PLEKHA8: variants seen among roughly 807,000 people sequenced by gnomAD.
PLEKHA8 encodes pleckstrin homology domain containing A8, also known as pleckstrin homology domain-containing family A member 8.
Under a neutral mutation model 68.2 loss-of-function variants are expected in PLEKHA8, and 36 were observed. The observed-to-expected ratio is 0.53, with a 90% confidence interval of 0.40 to 0.70. PLEKHA8 has a LOEUF of 0.70. PLEKHA8 is among the 30% of genes least tolerant of loss of function. The pLI is 0.00. For synonymous variants in PLEKHA8, 211 were observed against 216.1 expected (o/e 0.98, Z 0.20); for missense variants, 505 against 615.4 (o/e 0.82, Z 1.90).
chr7:30,098,091 C>T (rs1212588730), intron 13 of PLEKHA8, among the ~76,000 whole-genome samples: 1 of 152,236 alleles, frequency 6.6e-6, no homozygotes, highest in Non-Finnish European at 1.5e-5. Flanking sequence ...TGGAGGTCCA[C>T]TCCAGACCCT....
chr7:30,118,529 T>C (rs2128023710), intron 13 of PLEKHA8, among the ~76,000 whole-genome samples: 1 of 151,914 alleles, frequency 6.6e-6, no homozygotes, highest in East Asian at 1.9e-4. Context: ...TTAGCTGCCA[T>C]GGCTGCTTCT....
At chr7:30,064,686 T>C (rs957519732) in intron 12 of PLEKHA8, among the ~76,000 whole-genome samples, 4 of 152,200 alleles carry the variant, frequency 2.6e-5, no homozygotes, top group African/African-American at 9.7e-5. Flanking sequence ...GACTTATTTG[T>C]CCCACATCAG....
intron 13 of PLEKHA8, among the ~76,000 whole-genome samples, chr7:30,125,988 G>A (rs1027316183): frequency 1.3e-5 from 2 of 151,888 alleles, no homozygotes; most frequent in Non-Finnish European, 2.9e-5. Context: ...TTTACTGGTT[G>A]CATTATAATT....
intron 13 of PLEKHA8, among the ~76,000 whole-genome samples, chr7:30,100,558 T>C (rs1795813225): frequency 6.6e-6 from 1 of 151,612 alleles, no homozygotes; most frequent in African/African-American, 2.4e-5. Flanking sequence ...CTCAAAAAAA[T>C]TAATTAATTA....
chr7:30,084,052 T>C lies in PLEKHA8; in HGVS notation c.*5265T>C, dbSNP rs1316873339. ...TCATGAGAATTTCACTAGAATGTCA[T>C]TAAACAGCCCAACTACCTCATGTGA... is the stretch of plus-strand genomic sequence containing the variant. On this transcript the variant is annotated 3_prime_UTR_variant, in exon 14 of 14. Coordinates refer to ENST00000449726, the MANE Select transcript of PLEKHA8 (RefSeq NM_001197026.2). 1.0e-6 allele frequency: 1 copy of C among 985,308 alleles called. No homozygotes were observed. The highest frequency in any genetic ancestry group is 1.1e-4 in the East Asian group (1 of 8,826). 61.0% of individuals were successfully genotyped at this position (985,308 alleles called of 1,614,324 possible).
chr7:30,033,956 AT>A (rs1790850622), intron 1 of PLEKHA8, among the ~76,000 whole-genome samples: 1 of 119,748 alleles, frequency 8.4e-6, no homozygotes, highest in South Asian at 2.6e-4. Flanking sequence ...AAATGTCTGC[AT>A]TTTTTGCCCA....
intron 2 of PLEKHA8, 113 bp from the exon 3 acceptor site, chr7:30,046,097 T>C (rs1583796719): frequency 9.9e-7 from 1 of 1,015,130 alleles, no homozygotes; most frequent in Non-Finnish European, 1.4e-6. Flanking sequence ...GCATCCTCTT[T>C]GGGAAGAAGC....
chr7:30,069,819 G>A (rs1794116437), intron 12 of PLEKHA8: 1 of 152,132 alleles, frequency 6.6e-6, no homozygotes, highest in Non-Finnish European at 1.5e-5. Flanking sequence ...AAAAGGAAAA[G>A]AATTAGGCAA....
chr7:30,060,180 G>T (rs533061659), intron 9 of PLEKHA8, among the ~76,000 whole-genome samples: 1 of 152,034 alleles, frequency 6.6e-6, no homozygotes, highest in African/African-American at 2.4e-5. Flanking sequence ...GGTGGCTCAC[G>T]CCTGTAATCC....
chr7:30,050,622 T>C (rs1792331634), intron 6 of PLEKHA8, 148 bp downstream of exon 6: 12 of 1,115,998 alleles, frequency 1.1e-5, no homozygotes, highest in African/African-American at 7.9e-5. Context: ...CTTTCCTCTT[T>C]TGAGTGAGCC....
intron 13 of PLEKHA8, among the ~76,000 whole-genome samples, chr7:30,110,441 T>A (rs1796234851): frequency 6.6e-6 from 1 of 152,224 alleles, no homozygotes; most frequent in Non-Finnish European, 1.5e-5. Context: ...TTGGACTGTT[T>A]CCATTTGGGG....
chr7:30,113,652 C>T (rs1796338756), intron 13 of PLEKHA8, among the ~76,000 whole-genome samples: 1 of 152,144 alleles, frequency 6.6e-6, no homozygotes, highest in Non-Finnish European at 1.5e-5. Flanking sequence ...AATACTACCA[C>T]CTCACTATTC....
downstream of PLEKHA8, among the ~76,000 whole-genome samples, chr7:30,086,063 A>G (rs1184545058): frequency 6.6e-6 from 1 of 152,158 alleles, no homozygotes; most frequent in Non-Finnish European, 1.5e-5. Context: ...CACTAATTTT[A>G]ATGGGCCACT....
rs1279199160 is a variant in PLEKHA8 at position 30,053,003 on chromosome 7, A to G, written c.796+137A>G. Reference sequence around the variant, plus strand: ...CTAAGGAGGATATTGGCTGGGTAAGATAAGTCATATGACTGAACAACATTC... The same window carrying G: ...CTAAGGAGGATATTGGCTGGGTAAGGTAAGTCATATGACTGAACAACATTC... On this transcript the variant is annotated intron_variant, in intron 7 of 13. Transcript: ENST00000449726. 3 of 655,340 alleles carry G rather than the reference A, an allele frequency of 4.6e-6. No individual in the cohort carries two copies. The South Asian group carries it at 7.3e-5, about 16-fold the overall frequency. 40.6% of individuals were successfully genotyped at this position (655,340 alleles called of 1,614,324 possible).
chr7:30,101,688 CA>C (rs1795859632), intron 13 of PLEKHA8, among the ~76,000 whole-genome samples: 2 of 152,120 alleles, frequency 1.3e-5, no homozygotes, highest in South Asian at 2.1e-4. Flanking sequence ...AATTTGTAAT[CA>C]GGGGAAAATT....
exon 13 of PLEKHA8, chr7:30,090,304 A>C (rs1795364104): frequency 1.8e-6 from 2 of 1,139,110 alleles, no homozygotes; most frequent in South Asian, 1.6e-5. Context: ...GTGACGGGAA[A>C]CAATGGGGGA....
At chr7:30,109,629 A>G (rs1796201892) in intron 13 of PLEKHA8, among the ~76,000 whole-genome samples, 1 of 147,568 alleles carries the variant, frequency 6.8e-6, no homozygotes, top group Admixed American at 6.7e-5. Context: ...AGAGATTAAC[A>G]TTGTGTAACT....
At position 30,082,593 on chromosome 7, in the gene PLEKHA8, T is replaced by TTTTGGAGAAGAATA. The variant is rs1794996905; in HGVS notation, c.*3807_*3808insTTGGAGAAGAATAT. On this transcript the variant is annotated 3_prime_UTR_variant, in exon 14 of 14. Transcript: ENST00000449726. ...ATTTGCACTCTTCTCCTTTTGGTTA[T>TTTTGGAGAAGAATA]TACTTTCCAAATATATTAACAAAAA... 1.0e-6 allele frequency: 1 copy of TTTTGGAGAAGAATA among 985,140 alleles called. No individual in the cohort carries two copies. The highest frequency in any genetic ancestry group is 1.2e-6 in the Non-Finnish European group (1 of 829,762). The allele number at this position is 985,140 out of a possible 1,614,324, so 61.0% of individuals were successfully genotyped here.
intron 13 of PLEKHA8, among the ~76,000 whole-genome samples, chr7:30,116,288 A>G (rs958484694): frequency 6.6e-6 from 1 of 151,610 alleles, no homozygotes; most frequent in East Asian, 1.9e-4. Flanking sequence ...GTATACATGT[A>G]TGTATTCATA....
Sources: allele counts gnomAD v4.1 joint callset (sites outside exome capture counted in the v4.1 genomes callset), GRCh38; gene constraint gnomAD v4.1.1; transcripts MANE v1.5; gene names NCBI Gene and HGNC (gene_info 2026-07-23, HGNC 2026-07-21).